Variants in SNTG1 observed in about 807,000 individuals in gnomAD.
SNTG1 encodes the protein syntrophin gamma 1.
SNTG1 carries 39 observed loss-of-function variants against 74.7 expected under a neutral mutation model. The ratio of observed to expected loss-of-function variants is 0.52; its 90% CI spans 0.40 to 0.68. The LOEUF (loss-of-function observed/expected upper bound fraction) is 0.68, where lower values mean the gene tolerates loss of function less well. Ranked by LOEUF, SNTG1 falls within the 30% of genes least tolerant of loss-of-function variation. The pLI, the probability that SNTG1 is intolerant of heterozygous loss-of-function variation, is 0.00. For missense variants in SNTG1, 685 were observed against 609.5 expected, an observed-to-expected ratio of 1.12 and a Z score of -1.30; for synonymous variants, 254 against 217.1, an observed-to-expected ratio of 1.17 and a Z score of -1.49.
At chr8:50,132,888 C>T (rs2081360492) in intron 1 of SNTG1, among the ~76,000 whole-genome samples, 1 of 152,104 alleles carries the variant, frequency 6.6e-6, no homozygotes, top group Admixed American at 6.6e-5. Context: ...CTATCCCTGG[C>T]TTCTGCTGAG....
chr8:50,593,262 C>A (rs1308069617), intron 13 of SNTG1, among the ~76,000 whole-genome samples: 2 of 152,128 alleles, frequency 1.3e-5, no homozygotes, highest in African/African-American at 4.8e-5. Context: ...CCAGCTGAGA[C>A]AACCGCTAAG....
chr8:50,314,155 A>G (rs2090225449), intron 2 of SNTG1, among the ~76,000 whole-genome samples: 1 of 149,468 alleles, frequency 6.7e-6, no homozygotes, highest in Non-Finnish European at 1.5e-5. Flanking sequence ...ACTTATTAAA[A>G]CTGAGGTGAG....
chr8:50,717,013 G>C (rs1270800447), intron 17 of SNTG1, among the ~76,000 whole-genome samples: 1 of 152,110 alleles, frequency 6.6e-6, no homozygotes, highest in Admixed American at 6.5e-5. Flanking sequence ...TGGGATTACA[G>C]GCGTGAGCCA....
At chr8:50,603,613 T>G (rs1318395727) in intron 13 of SNTG1, among the ~76,000 whole-genome samples, 2 of 152,122 alleles carry the variant, frequency 1.3e-5, no homozygotes, top group Non-Finnish European at 2.9e-5. Flanking sequence ...TGGATATTTA[T>G]TGTAGTCCTC....
At chr8:50,217,814 G>C (rs1219349911) in intron 2 of SNTG1, among the ~76,000 whole-genome samples, 3 of 152,132 alleles carry the variant, frequency 2.0e-5, no homozygotes, top group Non-Finnish European at 4.4e-5. Context: ...CCAGCTCTGT[G>C]CTGTTTCCAC....
chr8:49,975,773 G>GTA (rs1430347010), intron 1 of SNTG1, among the ~76,000 whole-genome samples: 2 of 151,554 alleles, frequency 1.3e-5, no homozygotes, highest in African/African-American at 4.8e-5. Context: ...ATATATATGT[G>GTA]TGTGTGTGTG....
chr8:50,315,793 G>A (rs2090294646), intron 2 of SNTG1, among the ~76,000 whole-genome samples: 1 of 152,102 alleles, frequency 6.6e-6, no homozygotes, highest in African/African-American at 2.4e-5. Context: ...CTCTGCTATT[G>A]TTATTCCCAC....
chr8:50,399,029 C>T (rs1402288356), intron 3 of SNTG1, among the ~76,000 whole-genome samples: 1 of 152,218 alleles, frequency 6.6e-6, no homozygotes. Flanking sequence ...TAATGCTGCA[C>T]AGTATTTGCA....
intron 9 of SNTG1, among the ~76,000 whole-genome samples, chr8:50,511,171 A>G (rs1175784777): frequency 3.9e-5 from 6 of 152,046 alleles, no homozygotes; most frequent in Non-Finnish European, 7.4e-5. Flanking sequence ...ATTTAGTTAT[A>G]TACCCAGTAG....
chr8:50,731,641 T>C (rs1377449937), intron 17 of SNTG1, among the ~76,000 whole-genome samples: 1 of 152,092 alleles, frequency 6.6e-6, no homozygotes, highest in Non-Finnish European at 1.5e-5. Context: ...GAGCCAGCTA[T>C]AAGGCATTTA....
chr8:50,702,170 G>A (rs184669846), intron 15 of SNTG1, among the ~76,000 whole-genome samples: 1 of 151,948 alleles, frequency 6.6e-6, no homozygotes, highest in East Asian at 1.9e-4. Flanking sequence ...TTTTTATAAT[G>A]GCATTTACAA....
At chr8:50,103,809 T>C (rs977878232) in intron 1 of SNTG1, among the ~76,000 whole-genome samples, 2 of 152,226 alleles carry the variant, frequency 1.3e-5, no homozygotes, top group African/African-American at 4.8e-5. Context: ...CCTGCATCTA[T>C]TGAGATAGTC....
At chr8:50,664,534 CTT>C (rs2095241254) in intron 15 of SNTG1, among the ~76,000 whole-genome samples, 1 of 152,086 alleles carries the variant, frequency 6.6e-6, no homozygotes, top group Non-Finnish European at 1.5e-5. Context: ...TTGATCACCT[CTT>C]TGAATAAAAA....
intron 1 of SNTG1, among the ~76,000 whole-genome samples, chr8:50,008,495 T>C (rs1459759949): frequency 3.9e-5 from 6 of 152,174 alleles, no homozygotes. Flanking sequence ...CGGAGATTTT[T>C]TTAATCATTA....
intron 1 of SNTG1, among the ~76,000 whole-genome samples, chr8:50,057,572 T>C (rs1197554908): frequency 6.6e-6 from 1 of 152,082 alleles, no homozygotes; most frequent in Non-Finnish European, 1.5e-5. Flanking sequence ...AGCACTGGTG[T>C]CAAAATCTGT....
chr8:50,682,608 G>T (rs144796930), intron 15 of SNTG1, among the ~76,000 whole-genome samples: 406 of 152,218 alleles, frequency 2.7e-3, no homozygotes, highest in Non-Finnish European at 4.5e-3. Flanking sequence ...ATCTAACACT[G>T]GTTATCCTCA....
At chr8:50,639,645 T>C (rs546584446) in intron 13 of SNTG1, among the ~76,000 whole-genome samples, 3 of 152,158 alleles carry the variant, frequency 2.0e-5, no homozygotes, top group Admixed American at 2.0e-4. Context: ...GAAAAAAATA[T>C]TAAATTACAC....
chr8:50,414,280 C>A (rs999447027), intron 4 of SNTG1, among the ~76,000 whole-genome samples: 1 of 152,132 alleles, frequency 6.6e-6, no homozygotes, highest in African/African-American at 2.4e-5. Flanking sequence ...GGATATGAGG[C>A]CACACAGGTA....
chr8:49,937,280 T>C lies in SNTG1; in HGVS notation c.-103+25049T>C, dbSNP rs568832325. Among the ~76,000 whole-genome samples the C allele has an allele frequency of 1.4e-4, 22 of 152,148 alleles. No homozygotes were observed. In the East Asian group the frequency reaches 4.1e-3, roughly 28 times the overall value. On this transcript the variant is annotated intron_variant, in intron 1 of 18. Transcript: ENST00000642720. ...ATTCTAGAAAATACAAGCTAAACTATAGTGGAGTGGATCAGGAGCTGCCTG... is the reference window on the plus strand; with the variant it reads ...ATTCTAGAAAATACAAGCTAAACTACAGTGGAGTGGATCAGGAGCTGCCTG...
Sources: allele counts gnomAD v4.1 joint callset (sites outside exome capture counted in the v4.1 genomes callset), GRCh38; gene constraint gnomAD v4.1.1; transcripts MANE v1.5; gene names NCBI Gene and HGNC (gene_info 2026-07-23, HGNC 2026-07-21).